ADGRL2: variants seen among roughly 807,000 people sequenced by gnomAD.
ADGRL2 encodes calcium-independent alpha-latrotoxin receptor 2.
A neutral mutation model predicts 157.4 loss-of-function variants in ADGRL2; 44 were observed. The observed-to-expected ratio is 0.28, with a 90% confidence interval of 0.22 to 0.36. The LOEUF is 0.36. Ranked by LOEUF, ADGRL2 falls within the 10% of genes least tolerant of loss-of-function variation. The pLI, the probability that ADGRL2 is intolerant of heterozygous loss-of-function variation, is 1.00. For synonymous variants in ADGRL2, 585 were observed against 624.7 expected, an observed-to-expected ratio of 0.94 and a Z score of 0.95; for missense variants, 1,510 against 1,768.9, an observed-to-expected ratio of 0.85 and a Z score of 2.63.
intron 1 of ADGRL2, among the ~76,000 whole-genome samples, chr1:81,732,085 G>T (rs2084744826): frequency 6.6e-6 from 1 of 152,126 alleles, no homozygotes. Context: ...ATAACTGTGA[G>T]AAATCCATAT....
At chr1:81,376,292 T>C (rs1439653532) in intron 1 of ADGRL2, among the ~76,000 whole-genome samples, 27 of 152,168 alleles carry the variant, frequency 1.8e-4, no homozygotes, top group Admixed American at 1.8e-3. Flanking sequence ...TTCACACTTT[T>C]CCAGAGCTGA....
intron 1 of ADGRL2, among the ~76,000 whole-genome samples, chr1:81,812,651 A>T (rs2089989246): frequency 1.3e-5 from 2 of 151,820 alleles, no homozygotes; most frequent in Admixed American, 6.6e-5. Context: ...CCAGATATGT[A>T]ACATATTATT....
intron 1 of ADGRL2, among the ~76,000 whole-genome samples, chr1:81,391,391 A>C (rs1199470514): frequency 1.3e-5 from 2 of 152,304 alleles, no homozygotes; most frequent in Non-Finnish European, 2.9e-5. Context: ...TATGAACTAG[A>C]GCTGCTGCTC....
At chr1:81,502,052 C>T (rs1448072558) in intron 2 of ADGRL2, 3 of 1,601,962 alleles carry the variant, frequency 1.9e-6, no homozygotes, top group Non-Finnish European at 2.6e-6. Flanking sequence ...GAACTCAGAG[C>T]CTGAGGAAGA....
chr1:81,879,712 G>A (rs1034251545), intron 2 of ADGRL2, among the ~76,000 whole-genome samples: 1 of 151,990 alleles, frequency 6.6e-6, no homozygotes, highest in Admixed American at 6.6e-5. Context: ...AAAACAGGTC[G>A]TTTAAATATG....
chr1:81,825,909 C>T (rs2091438115), intron 1 of ADGRL2, among the ~76,000 whole-genome samples: 1 of 151,942 alleles, frequency 6.6e-6, no homozygotes. Context: ...GATAAATCAG[C>T]TTTGAGATTT....
chr1:81,931,333 T>G (rs1207305784), intron 3 of ADGRL2, among the ~76,000 whole-genome samples: 1 of 152,214 alleles, frequency 6.6e-6, no homozygotes, highest in Non-Finnish European at 1.5e-5. Flanking sequence ...TTAAAAGGTT[T>G]TATTATTGGG....
At chr1:81,378,895 A>G (rs1367136730) in intron 1 of ADGRL2, among the ~76,000 whole-genome samples, 1 of 152,144 alleles carries the variant, frequency 6.6e-6, no homozygotes, top group African/African-American at 2.4e-5. Context: ...GGTTTACAAT[A>G]CCCTTCCTTT....
At chr1:81,612,386 A>G (rs1304138659) in intron 3 of ADGRL2, among the ~76,000 whole-genome samples, 1 of 152,228 alleles carries the variant, frequency 6.6e-6, no homozygotes, top group Non-Finnish European at 1.5e-5. Flanking sequence ...CCTAAAAAAG[A>G]AAACCTTGAT....
At chr1:81,909,907 T>C (rs1308154688) in intron 3 of ADGRL2, among the ~76,000 whole-genome samples, 1 of 152,040 alleles carries the variant, frequency 6.6e-6, no homozygotes, top group Non-Finnish European at 1.5e-5. Flanking sequence ...TGTATTAAGG[T>C]GTTAAAGATG....
intron 2 of ADGRL2, among the ~76,000 whole-genome samples, chr1:81,504,466 T>C (rs1265761249): frequency 1.3e-5 from 2 of 152,150 alleles, no homozygotes; most frequent in Non-Finnish European, 2.9e-5. Context: ...CTCTGAAATC[T>C]TTTTTATATG....
chr1:81,614,909 A>C (rs1453339306), intron 3 of ADGRL2, among the ~76,000 whole-genome samples: 1 of 151,996 alleles, frequency 6.6e-6, no homozygotes, highest in African/African-American at 2.4e-5. Context: ...GCTATTCAGG[A>C]GGCTGAAGCG....
chr1:81,692,175 G>A (rs570948183), intron 3 of ADGRL2, among the ~76,000 whole-genome samples: 6 of 152,116 alleles, frequency 3.9e-5, no homozygotes, highest in African/African-American at 1.4e-4. Flanking sequence ...GGGAGGCCAA[G>A]GCGGGCAGAT....
chr1:81,783,217 C>A (rs1288682172), intron 2 of ADGRL2, among the ~76,000 whole-genome samples: 2 of 152,120 alleles, frequency 1.3e-5, no homozygotes, highest in Non-Finnish European at 1.5e-5. Context: ...TCCACCTCCC[C>A]GGTTCAGGCA....
Position 81,437,906 on chromosome 1 carries a change from G to A in ADGRL2, c.-301-7130G>A, listed in dbSNP as rs115993802. ...TATTTGAAATCAGAAACTTGCAGTC[G>A]TGACTGTCTGAAAGCAAAGGTGAGG... On this transcript the variant is annotated intron_variant, in intron 1 of 24. Transcript: ENST00000370721. Among the ~76,000 whole-genome samples, 1,401 of 152,162 alleles carry A rather than the reference G, an allele frequency of 9.2e-3. 26 individuals are homozygous for A. Among genetic ancestry groups the A allele is most frequent in the African/African-American group, 0.032 (1,325 of 41,514 alleles).
rs1350979077 is a variant in ADGRL2, at chr1:81,442,587, A to C, written c.-301-2449A>C. Among the ~76,000 whole-genome samples the C allele has an allele frequency of 1.3e-4, 20 of 152,268 alleles. No homozygotes were observed. In the South Asian group the frequency reaches 4.1e-3, roughly 32 times the overall value. On this transcript the variant is annotated intron_variant, in intron 1 of 24. Coordinates refer to the ADGRL2 transcript ENST00000370721. ...AAGACTAAATAAGTCTATGTAGGAAATTTTCCTTTGTTACCTGTCATAGAA... is the reference window on the plus strand; with the variant it reads ...AAGACTAAATAAGTCTATGTAGGAACTTTTCCTTTGTTACCTGTCATAGAA...
At chr1:81,805,787 G>A (rs1040859172) in intron 1 of ADGRL2, among the ~76,000 whole-genome samples, 2 of 149,738 alleles carry the variant, frequency 1.3e-5, no homozygotes, top group Admixed American at 6.6e-5. Flanking sequence ...TTAAGTTGCT[G>A]TTAACTAGTC....
At chr1:81,524,998 G>A (rs1385281313) in intron 2 of ADGRL2, among the ~76,000 whole-genome samples, 1 of 152,170 alleles carries the variant, frequency 6.6e-6, no homozygotes, top group Non-Finnish European at 1.5e-5. Flanking sequence ...TATCTCCAGG[G>A]AAGAACATTG....
chr1:81,931,992 T>A (rs2095240196), intron 3 of ADGRL2, among the ~76,000 whole-genome samples: 1 of 152,162 alleles, frequency 6.6e-6, no homozygotes, highest in Non-Finnish European at 1.5e-5. Context: ...CTGAGTTCTC[T>A]CTAAAAACAG....
Sources: allele counts gnomAD v4.1 joint callset (sites outside exome capture counted in the v4.1 genomes callset), GRCh38; gene constraint gnomAD v4.1.1; transcripts MANE v1.5; gene names NCBI Gene and HGNC (gene_info 2026-07-23, HGNC 2026-07-21).